Variants in TBC1D32 observed in about 807,000 individuals in gnomAD.
The protein encoded by TBC1D32 is TBC1 domain family member 32.
Under a neutral mutation model 170.3 loss-of-function variants are expected in TBC1D32, and 151 were observed. The ratio of observed to expected loss-of-function variants is 0.89; its 90% CI spans 0.78 to 1.01. The LOEUF is 1.01. Among genes scored for constraint, TBC1D32 ranks in the 50% least tolerant of loss-of-function variants. The pLI is 0.00. For missense variants in TBC1D32, 1,464 were observed against 1,457.1 expected (o/e 1.00, Z -0.08); for synonymous variants, 498 against 488.0 (o/e 1.02, Z -0.27).
At chr6:121,313,112 GT>G (rs1381353660) in intron 3 of TBC1D32, among the ~76,000 whole-genome samples, 6 of 7,414 alleles carry the variant, frequency 8.1e-4, no homozygotes, top group Admixed American at 2.6e-3. Context: ...GGTGGTGTGT[GT>G]GTGTGTGTGT....
chr6:121,173,945 A>C (rs1269846471), intron 22 of TBC1D32, among the ~76,000 whole-genome samples: 1 of 152,096 alleles, frequency 6.6e-6, no homozygotes, highest in Non-Finnish European at 1.5e-5. Flanking sequence ...AAAAGATGGA[A>C]GATACATACT....
intron 1 of TBC1D32, among the ~76,000 whole-genome samples, chr6:121,330,926 G>C (rs1331328078): frequency 6.6e-6 from 1 of 152,168 alleles, no homozygotes; most frequent in Non-Finnish European, 1.5e-5. Context: ...CATTCTTAGA[G>C]AAAGGCAGGA....
At chr6:121,267,958 G>A (rs557894775) in intron 15 of TBC1D32, among the ~76,000 whole-genome samples, 9 of 152,286 alleles carry the variant, frequency 5.9e-5, no homozygotes, top group South Asian at 2.1e-4. Context: ...AATATTTGCT[G>A]TTCTGCAGCC....
intron 24 of TBC1D32, among the ~76,000 whole-genome samples, chr6:121,134,191 C>G (rs1351124934): frequency 6.6e-6 from 1 of 152,040 alleles, no homozygotes; most frequent in Non-Finnish European, 1.5e-5. Flanking sequence ...TCTTTGTTTC[C>G]TCCTGTTTTC....
At chr6:121,206,569 C>T (rs1266209553) in intron 21 of TBC1D32, among the ~76,000 whole-genome samples, 2 of 152,142 alleles carry the variant, frequency 1.3e-5, no homozygotes, top group East Asian at 3.9e-4. Context: ...AAACACTAAT[C>T]AGATACTGAT....
intron 21 of TBC1D32, among the ~76,000 whole-genome samples, chr6:121,205,846 G>A (rs1310443747): frequency 6.6e-6 from 1 of 152,266 alleles, no homozygotes; most frequent in East Asian, 1.9e-4. Flanking sequence ...CACAGAACCT[G>A]ATGATCTAGG....
chr6:121,172,130 C>T lies in TBC1D32; in HGVS notation c.2571-11074G>A, dbSNP rs567630664. Among the ~76,000 whole-genome samples, 43 of 152,170 alleles carry T rather than the reference C, an allele frequency of 2.8e-4. 2 individuals carry two copies. In the East Asian group the frequency reaches 3.5e-3, roughly 12 times the overall value. On this transcript the variant is annotated intron_variant, in intron 22 of 31. Transcript: ENST00000398212. ...ATATATTCTCTCTTGAATGCCACCA[C>T]GTAAGATGTGCCTTTCACCTTCCAC...
At position 121,178,424 on chromosome 6, in the gene TBC1D32, T is replaced by C. The variant is rs567339149; in HGVS notation, c.2571-17368A>G. Among the ~76,000 whole-genome samples, 3 of 152,228 alleles carry C rather than the reference T, an allele frequency of 2.0e-5. No individual in the cohort carries two copies. In the South Asian group the frequency reaches 6.2e-4, roughly 32 times the overall value. On this transcript the variant is annotated intron_variant, in intron 22 of 31. Transcript: ENST00000398212. Reference sequence around the variant, plus strand: ...TGTATTTTAATGGGATCACTACAGCTGCTATGCACGTAATAGGCTAAAATT... The same window carrying C: ...TGTATTTTAATGGGATCACTACAGCCGCTATGCACGTAATAGGCTAAAATT...
Position 121,330,268 on chromosome 6 carries a change from A to G in TBC1D32, c.155+4008T>C, listed in dbSNP as rs1583797696. 1.3e-5 allele frequency among the ~76,000 whole-genome samples: 2 copies of G among 152,218 alleles called. 1 individual carries two copies. Among genetic ancestry groups the G allele is most frequent in the East Asian group, 3.9e-4 (2 of 5,170 alleles). The stretch of plus-strand genomic sequence containing the variant: ...AAGCTGGTCTTGAACTCCTGGTGTT[A>G]AGTGATCTGCCCACCTCGACTTCTC... On this transcript the variant is annotated intron_variant, in intron 1 of 31. Coordinates refer to ENST00000398212, the MANE Select transcript of TBC1D32 (RefSeq NM_152730.6).
At chr6:121,270,717 T>A (rs897094827) in intron 15 of TBC1D32, among the ~76,000 whole-genome samples, 5 of 152,116 alleles carry the variant, frequency 3.3e-5, no homozygotes, top group African/African-American at 1.2e-4. Context: ...TCTGAAACTA[T>A]TCCAATCAAT....
In TBC1D32 at chr6:121,080,860, C is replaced by T. The variant is rs1775568322; in HGVS notation, c.3685G>A (p.Asp1229Asn). 1 of 1,613,900 alleles carries T rather than the reference C, an allele frequency of 6.2e-7. No individual in the cohort carries two copies. The change falls in exon 32 of 32, where the codon GAT (aspartate) becomes AAT (asparagine). Residue 1229 changes from aspartate (D) to asparagine (N), a missense_variant. Asp to Asn is a conservative substitution (Grantham distance 23). Coordinates refer to ENST00000398212, the MANE Select transcript of TBC1D32 (RefSeq NM_152730.6). ...EEALHGFRVS[D>N]YFEYMEILEQ... The stretch of plus-strand genomic sequence containing the variant: ...AAAATTTCCATGTATTCAAAATAAT[C>T]ACTCACTCGAAACCCATGCAGTGCT...
chr6:121,326,202 A>G (rs1039386636), intron 1 of TBC1D32, among the ~76,000 whole-genome samples: 6 of 152,170 alleles, frequency 3.9e-5, no homozygotes, highest in African/African-American at 1.4e-4. Flanking sequence ...AAGCTAAGAA[A>G]AACACAATTC....
chr6:121,175,007 G>T (rs144176529), intron 22 of TBC1D32, among the ~76,000 whole-genome samples: 10 of 134,322 alleles, frequency 7.4e-5, no homozygotes, highest in African/African-American at 2.5e-4. Flanking sequence ...ACTCTAGCCT[G>T]CGTGACAGAC....
intron 26 of TBC1D32, among the ~76,000 whole-genome samples, chr6:121,120,730 G>A (rs1343373011): frequency 4.6e-5 from 7 of 151,872 alleles, no homozygotes; most frequent in Admixed American, 6.6e-5. Context: ...AACAGTTATA[G>A]GGTTGAATGA....
intron 11 of TBC1D32, 29 bp downstream of exon 11, chr6:121,294,541 A>C: frequency 6.6e-7 from 1 of 1,517,824 alleles, no homozygotes; most frequent in Non-Finnish European, 9.0e-7. Context: ...CCATTTTTAA[A>C]AGTATGTAAT....
Position 121,202,171 on chromosome 6 carries a change from T to C in TBC1D32, c.2570+2904A>G, listed in dbSNP as rs185851969. On this transcript the variant is annotated intron_variant, in intron 22 of 31. Coordinates refer to ENST00000398212, the MANE Select transcript of TBC1D32 (RefSeq NM_152730.6). ...TATAAATGATATTTAAAGGCAAATG[T>C]TTAAGTGTAATAAATTAAGAGTAGA... 1.9e-3 allele frequency among the ~76,000 whole-genome samples: 283 copies of C among 150,410 alleles called. 4 individuals carry two copies. The highest frequency in any genetic ancestry group is 0.016 in the Admixed American group (249 of 15,136).
At chr6:121,331,532 C>T (rs1416912310) in intron 1 of TBC1D32, among the ~76,000 whole-genome samples, 1 of 152,026 alleles carries the variant, frequency 6.6e-6, no homozygotes, top group Non-Finnish European at 1.5e-5. Context: ...CCCTATAAGT[C>T]TTTTAATTAG....
rs151031544 is a variant in TBC1D32, at chr6:121,134,799, G to C, written c.2774-3047C>G. Among the ~76,000 whole-genome samples, 1,324 of 152,190 alleles carry C rather than the reference G, an allele frequency of 8.7e-3. 21 individuals are homozygous for C. The highest frequency in any genetic ancestry group is 0.03 in the African/African-American group (1,239 of 41,532). On this transcript the variant is annotated intron_variant, in intron 24 of 31. Coordinates refer to ENST00000398212, the MANE Select transcript of TBC1D32 (RefSeq NM_152730.6). ...CTCCAAATTTGGGACCAACTGAGAA[G>C]CCAATAGGTATAGATAAACAGAGTT...
At chr6:121,122,514 AT>A (rs1780371500) in intron 26 of TBC1D32, among the ~76,000 whole-genome samples, 1 of 151,864 alleles carries the variant, frequency 6.6e-6, no homozygotes, top group African/African-American at 2.4e-5. Context: ...TGCCCTGAAA[AT>A]ACCCATATAT....
Sources: allele counts gnomAD v4.1 joint callset (sites outside exome capture counted in the v4.1 genomes callset), GRCh38; gene constraint gnomAD v4.1.1; transcripts MANE v1.5; gene names NCBI Gene and HGNC (gene_info 2026-07-23, HGNC 2026-07-21).